Variants in RGS9 observed in about 807,000 individuals in gnomAD.
RGS9 encodes the protein regulator of G-protein signalling 9.
Under a neutral mutation model 102.0 loss-of-function variants are expected in RGS9, and 78 were observed. That is an observed-to-expected ratio of 0.76 (90% CI 0.64 to 0.92). The LOEUF (loss-of-function observed/expected upper bound fraction) is 0.92, where lower values mean the gene tolerates loss of function less well. RGS9 is among the 40% of genes least tolerant of loss of function. The pLI, the probability that RGS9 is intolerant of heterozygous loss-of-function variation, is 0.00. For missense variants in RGS9, 833 were observed against 866.1 expected (o/e 0.96, Z 0.48); for synonymous variants, 353 against 318.6 (o/e 1.11, Z -1.15).
At chr17:65,186,089 G>A (rs1052541482) in intron 9 of RGS9, among the ~76,000 whole-genome samples, 1 of 152,046 alleles carries the variant, frequency 6.6e-6, no homozygotes, top group African/African-American at 2.4e-5. Flanking sequence ...ACCATCATGA[G>A]TGTTAAGGAC....
At chr17:65,222,927 G>A (rs1668684520) in intron 17 of RGS9, among the ~76,000 whole-genome samples, 1 of 152,166 alleles carries the variant, frequency 6.6e-6, no homozygotes, top group Non-Finnish European at 1.5e-5. Flanking sequence ...ACCACACCGA[G>A]GCATCCCGCG....
chr17:65,208,361 T>A (rs1913151203), intron 16 of RGS9, among the ~76,000 whole-genome samples: 1 of 152,202 alleles, frequency 6.6e-6, no homozygotes, highest in Admixed American at 6.5e-5. Context: ...TTAAGGTACA[T>A]CCTTGTATTT....
In RGS9 at chr17:65,153,527, G is replaced by A. The variant is rs761223745; in HGVS notation, c.154+9G>A. 2 of 1,609,122 alleles carry A rather than the reference G, an allele frequency of 1.2e-6. No homozygotes were observed. The highest frequency in any genetic ancestry group is 2.7e-5 in the African/African-American group (2 of 74,830). On this transcript the variant is annotated intron_variant, in intron 2 of 18. Transcript: ENST00000262406. ...TCCTCATGCCATGACAGGTGATGTA[G>A]CTTGCACTTTAGTCTTGGCCTGGAA...
intron 9 of RGS9, among the ~76,000 whole-genome samples, chr17:65,182,517 C>T (rs549037255): frequency 1.3e-5 from 2 of 152,364 alleles, no homozygotes; most frequent in African/African-American, 4.8e-5. Flanking sequence ...CTGATGGCCG[C>T]CAGAGCCCAC....
At position 65,206,858 on chromosome 17, in the gene RGS9, T is replaced by G. The variant is rs569788413; in HGVS notation, c.1204-1064T>G. ...ACAGCTATGTCCTATGGTGAAACACTCAACGTATCCCAGTGGCTCCATGGT... is the reference window on the plus strand; with the variant it reads ...ACAGCTATGTCCTATGGTGAAACACGCAACGTATCCCAGTGGCTCCATGGT... On this transcript the variant is annotated intron_variant, in intron 15 of 18. Transcript: ENST00000262406. Among the ~76,000 whole-genome samples the G allele has an allele frequency of 1.4e-4, 22 of 152,294 alleles. No individual in the cohort carries two copies. The South Asian group carries it at 4.6e-3, about 32-fold the overall frequency.
intron 1 of RGS9, among the ~76,000 whole-genome samples, chr17:65,139,977 G>A (rs1910093415): frequency 6.6e-6 from 1 of 152,224 alleles, no homozygotes; most frequent in Non-Finnish European, 1.5e-5. Context: ...GGGTGCAACT[G>A]TCACTCATCA....
intron 17 of RGS9, 172 bp downstream of exon 17, chr17:65,210,777 T>C: frequency 9.0e-7 from 1 of 1,111,458 alleles, no homozygotes; most frequent in East Asian, 2.6e-5. Context: ...GTTCATCCCA[T>C]ACTCCTCTAA....
At chr17:65,171,732 C>T (rs1192672357) in intron 8 of RGS9, among the ~76,000 whole-genome samples, 3 of 152,248 alleles carry the variant, frequency 2.0e-5, no homozygotes, top group Non-Finnish European at 4.4e-5. Flanking sequence ...GCCCAAAGGA[C>T]ACCTGTGATT....
chr17:65,177,592 C>A, intron 8 of RGS9, 140 bp from the exon 9 acceptor site: 1 of 850,976 alleles, frequency 1.2e-6, no homozygotes, highest in Non-Finnish European at 2.1e-6. Context: ...GGGTTTACAC[C>A]CACTCAAAGC....
chr17:65,211,871 T>G (rs534652729), intron 17 of RGS9, among the ~76,000 whole-genome samples: 4 of 152,264 alleles, frequency 2.6e-5, no homozygotes, highest in East Asian at 1.9e-4. Flanking sequence ...TAGCTATTGC[T>G]GTGTGACAAT....
intron 6 of RGS9, among the ~76,000 whole-genome samples, chr17:65,161,122 T>G (rs1389562107): frequency 1.3e-5 from 2 of 152,230 alleles, no homozygotes; most frequent in Non-Finnish European, 2.9e-5. Context: ...TTGCTGTAAT[T>G]TAAGCCCTTG....
In RGS9 at chr17:65,215,477, TA is replaced by T. The variant is rs1567893152; in HGVS notation, c.1407+4873del. Among the ~76,000 whole-genome samples the T allele has an allele frequency of 5.4e-4, 68 of 126,800 alleles. No homozygotes were observed. The East Asian group carries it at 6.0e-3, about 11-fold the overall frequency. 83.2% of individuals were successfully genotyped at this position (126,800 alleles called of 152,430 possible). ...GTTTCTCTTTCTTTCTTTCTTTCTCTATCTTTCTTTCGTTCTTTCGTTCTTT... is the reference window on the plus strand; with the variant it reads ...GTTTCTCTTTCTTTCTTTCTTTCTCTTCTTTCTTTCGTTCTTTCGTTCTTT... On this transcript the variant is annotated intron_variant, in intron 17 of 18. Transcript: ENST00000262406.
chr17:65,171,728 A>G (rs1911427331), intron 8 of RGS9, among the ~76,000 whole-genome samples: 1 of 152,266 alleles, frequency 6.6e-6, no homozygotes, highest in South Asian at 2.1e-4. Context: ...CAGAGCCCAA[A>G]GGACACCTGT....
chr17:65,216,970 G>T (rs1430956624), intron 17 of RGS9, among the ~76,000 whole-genome samples: 5 of 152,194 alleles, frequency 3.3e-5, no homozygotes, highest in Admixed American at 3.3e-4. Flanking sequence ...GAACTTGAGG[G>T]CCAGAGAGTG....
chr17:65,208,924 A>C (rs1285023868), intron 16 of RGS9, among the ~76,000 whole-genome samples: 2 of 152,214 alleles, frequency 1.3e-5, no homozygotes, highest in East Asian at 3.8e-4. Context: ...GAGAGAAAGA[A>C]GGTCTTTGTG....
chr17:65,220,330 A>T (rs1913659875), intron 17 of RGS9, among the ~76,000 whole-genome samples: 1 of 152,096 alleles, frequency 6.6e-6, no homozygotes, highest in Admixed American at 6.6e-5. Context: ...ATTTGAGGGG[A>T]GGAGGGGGAG....
chr17:65,163,578 C>T (rs1266640500), intron 7 of RGS9, among the ~76,000 whole-genome samples: 1 of 152,144 alleles, frequency 6.6e-6, no homozygotes, highest in Non-Finnish European at 1.5e-5. Flanking sequence ...GACACAGTCT[C>T]ATAGGTCAGG....
chr17:65,158,806 C>A (rs1910871316), intron 3 of RGS9: 1 of 270,202 alleles, frequency 3.7e-6, no homozygotes, highest in Non-Finnish European at 7.2e-6. Flanking sequence ...AGAGCACCTG[C>A]AGATCTGGGA....
intron 11 of RGS9, among the ~76,000 whole-genome samples, chr17:65,193,271 GA>G (rs563133137): frequency 7.3e-5 from 10 of 136,368 alleles, no homozygotes; most frequent in Middle Eastern, 3.6e-3. Flanking sequence ...AAAAAAAAAA[GA>G]AAAAAAAGAA....
Sources: allele counts gnomAD v4.1 joint callset (sites outside exome capture counted in the v4.1 genomes callset), GRCh38; gene constraint gnomAD v4.1.1; transcripts MANE v1.5; gene names NCBI Gene and HGNC (gene_info 2026-07-23, HGNC 2026-07-21).